RBFOX1: variants seen among roughly 807,000 people sequenced by gnomAD.
RBFOX1 encodes the protein RNA binding protein fox-1 homolog 1.
A neutral mutation model predicts 57.7 loss-of-function variants in RBFOX1; 8 were observed. The ratio of observed to expected loss-of-function variants is 0.14; its 90% CI spans 0.08 to 0.25. RBFOX1 has a LOEUF of 0.25. RBFOX1 is among the 10% of genes least tolerant of loss of function. The pLI, the probability that RBFOX1 is intolerant of heterozygous loss-of-function variation, is 1.00. For synonymous variants in RBFOX1, 326 were observed against 222.4 expected (o/e 1.47, Z -4.15); for missense variants, 611 against 548.5 (o/e 1.11, Z -1.14).
At chr16:6,566,943 G>A (rs1226787458) in intron 2 of RBFOX1, among the ~76,000 whole-genome samples, 1 of 152,164 alleles carries the variant, frequency 6.6e-6, no homozygotes, top group Non-Finnish European at 1.5e-5. Context: ...ACATGTTGGA[G>A]ATGAATTTAC....
intron 2 of RBFOX1, among the ~76,000 whole-genome samples, chr16:6,622,063 T>G (rs989863263): frequency 2.6e-5 from 4 of 152,164 alleles, no homozygotes; most frequent in African/African-American, 4.8e-5. Flanking sequence ...GAGTTGGTGT[T>G]TATGTGGAAA....
chr16:6,710,902 C>T (rs1237104531), intron 3 of RBFOX1, among the ~76,000 whole-genome samples: 1 of 152,174 alleles, frequency 6.6e-6, no homozygotes, highest in Non-Finnish European at 1.5e-5. Context: ...GAGAAGACTC[C>T]TTCTAGAAGA....
At chr16:7,261,129 C>T (rs1214759993) in intron 4 of RBFOX1, among the ~76,000 whole-genome samples, 3 of 150,884 alleles carry the variant, frequency 2.0e-5, no homozygotes, top group South Asian at 2.1e-4. Context: ...CTGTAGGACA[C>T]ATATCCAAAG....
At chr16:6,788,649 G>C (rs1276733192) in intron 3 of RBFOX1, among the ~76,000 whole-genome samples, 1 of 151,684 alleles carries the variant, frequency 6.6e-6, no homozygotes, top group Admixed American at 6.6e-5. Context: ...CTGATTGTTT[G>C]TATTTTTAGT....
intron 4 of RBFOX1, among the ~76,000 whole-genome samples, chr16:7,379,599 A>C (rs951645636): frequency 1.3e-5 from 2 of 152,234 alleles, no homozygotes; most frequent in African/African-American, 4.8e-5. Context: ...GAAACTCAAA[A>C]TTCAGGATAT....
intron 3 of RBFOX1, among the ~76,000 whole-genome samples, chr16:5,627,562 A>C (rs988850881): frequency 6.6e-6 from 1 of 152,178 alleles, no homozygotes; most frequent in African/African-American, 2.4e-5. Context: ...TTCAGTAGAG[A>C]AGCGACAACT....
At chr16:5,455,379 C>T (rs1454615778) in intron 1 of RBFOX1, among the ~76,000 whole-genome samples, 1 of 152,114 alleles carries the variant, frequency 6.6e-6, no homozygotes, top group Non-Finnish European at 1.5e-5. Context: ...CCTAGTATCA[C>T]TTATGCCATA....
At chr16:7,630,766 C>A in intron 11 of RBFOX1, 83 bp downstream of exon 11, 1 of 1,566,696 alleles carries the variant, frequency 6.4e-7, no homozygotes, top group East Asian at 2.3e-5. Flanking sequence ...GTTCTCTCCC[C>A]CTCCCTCTGC....
At chr16:7,481,583 C>T (rs925890171) in intron 4 of RBFOX1, among the ~76,000 whole-genome samples, 10 of 152,154 alleles carry the variant, frequency 6.6e-5, no homozygotes, top group African/African-American at 1.9e-4. Flanking sequence ...GCTATTAAAT[C>T]CCTGAAGGAA....
intron 1 of RBFOX1, among the ~76,000 whole-genome samples, chr16:6,214,225 G>A (rs1316927088): frequency 6.6e-6 from 1 of 152,138 alleles, no homozygotes; most frequent in African/African-American, 2.4e-5. Context: ...GTACCCACCA[G>A]CCCTACATTG....
intron 3 of RBFOX1, among the ~76,000 whole-genome samples, chr16:6,762,998 A>T (rs769828960): frequency 1.3e-5 from 2 of 150,484 alleles, no homozygotes; most frequent in Non-Finnish European, 3.0e-5. Flanking sequence ...TGCCCAGTGC[A>T]AATAGGAACA....
chr16:6,839,193 C>T (rs913954739), intron 3 of RBFOX1, among the ~76,000 whole-genome samples: 1 of 150,576 alleles, frequency 6.6e-6, no homozygotes, highest in Non-Finnish European at 1.5e-5. Context: ...CCATGTTGGC[C>T]AGGCTGTTCT....
In RBFOX1 at chr16:6,097,704, C is replaced by G. The variant is rs2096261943; in HGVS notation, c.-127+77712C>G. 6.6e-6 allele frequency among the ~76,000 whole-genome samples: 1 copy of G among 151,898 alleles called. No individual in the cohort carries two copies. The highest frequency in any genetic ancestry group is 1.5e-5 in the Non-Finnish European group (1 of 68,012). On this transcript the variant is annotated intron_variant, in intron 1 of 15. Coordinates refer to ENST00000550418, the MANE Select transcript of RBFOX1 (RefSeq NM_018723.4). The surrounding 1 kb of genome is among the most constrained non-coding windows in gnomAD (Gnocchi z 5.0). ...GACCCTAGGGCTTGTGAATCTGGAG[C>G]CCATAGACTCAACTCCTGTGCTATA...
At chr16:6,815,440 G>T (rs990099314) in intron 3 of RBFOX1, among the ~76,000 whole-genome samples, 9 of 152,106 alleles carry the variant, frequency 5.9e-5, no homozygotes, top group African/African-American at 2.2e-4. Context: ...AGTCACTCTG[G>T]TTCAAACACC....
chr16:6,204,796 G>A (rs971405888), intron 1 of RBFOX1, among the ~76,000 whole-genome samples: 3 of 152,178 alleles, frequency 2.0e-5, no homozygotes, highest in East Asian at 3.9e-4. Flanking sequence ...TTGTCAGCAC[G>A]TTGTGTGTGT....
intron 1 of RBFOX1, among the ~76,000 whole-genome samples, chr16:5,410,598 C>T (rs974900121): frequency 2.6e-5 from 4 of 152,212 alleles, no homozygotes; most frequent in East Asian, 3.9e-4. Flanking sequence ...TAGCTTGTCA[C>T]TCAAGGTCTT....
intron 1 of RBFOX1, among the ~76,000 whole-genome samples, chr16:5,302,131 A>G (rs2063821512): frequency 6.6e-6 from 1 of 152,110 alleles, no homozygotes; most frequent in African/African-American, 2.4e-5. Flanking sequence ...AAATTTCAAT[A>G]TATTGTCTTT....
intron 1 of RBFOX1, among the ~76,000 whole-genome samples, chr16:6,196,941 G>T (rs1225405127): frequency 6.6e-6 from 1 of 152,092 alleles, no homozygotes; most frequent in Admixed American, 6.6e-5. Flanking sequence ...ACATCATTCA[G>T]TGACATTCTT....
chr16:7,610,118 C>CTTTTTTTTTTTT lies in RBFOX1; in HGVS notation c.676+2790_676+2801dup, dbSNP rs34468596. ...GGTGTGAGCCACTGCGCCCGGCCCCCTTTTTTTTTTTTTTTTTTTTTGAGG... is the reference window on the plus strand; with the variant it reads ...GGTGTGAGCCACTGCGCCCGGCCCCCTTTTTTTTTTTTTTTTTTTTTTTTTTTTTTTTTGAGG... On this transcript the variant is annotated intron_variant, in intron 10 of 15. Coordinates refer to ENST00000550418, the MANE Select transcript of RBFOX1 (RefSeq NM_018723.4). Among the ~76,000 whole-genome samples the CTTTTTTTTTTTT allele has an allele frequency of 2.4e-3, 156 of 65,602 alleles. 26 individuals carry two copies. The highest frequency in any genetic ancestry group is 0.011 in the African/African-American group (134 of 12,420). The allele number at this position is 65,602 out of a possible 152,430, so 43.0% of individuals were successfully genotyped here.
Sources: allele counts gnomAD v4.1 joint callset (sites outside exome capture counted in the v4.1 genomes callset), GRCh38; gene constraint gnomAD v4.1.1; non-coding constraint Gnocchi (gnomAD v3.1); transcripts MANE v1.5; gene names NCBI Gene and HGNC (gene_info 2026-07-23, HGNC 2026-07-21).